The following MBD1 variants were observed in gnomAD, a reference collection of about 807,000 sequenced individuals.
MBD1 encodes methyl-CpG binding domain protein 1, also known as methyl-CpG-binding domain protein 1.
Under a neutral mutation model 82.6 loss-of-function variants are expected in MBD1, and 25 were observed. The observed-to-expected ratio is 0.30, with a 90% CI of 0.22 to 0.42. The LOEUF (loss-of-function observed/expected upper bound fraction) is 0.42, where lower values mean the gene tolerates loss of function less well. Ranked by LOEUF, MBD1 falls within the 10% of genes least tolerant of loss-of-function variation. MBD1 has a pLI of 1.00. For synonymous variants in MBD1, 301 were observed against 303.7 expected (o/e 0.99, Z 0.09); for missense variants, 627 against 819.6 (o/e 0.76, Z 2.87).
At chr18:50,273,980 T>C (rs1375798474) in intron 11 of MBD1, 117 bp from the exon 12 acceptor site, 2 of 1,404,444 alleles carry the variant, frequency 1.4e-6, no homozygotes, top group African/African-American at 1.4e-5. Context: ...TCTGCTTACA[T>C]ATGAGCCCTT....
chr18:50,267,475 G>C, downstream of MBD1: 1 of 696,832 alleles, frequency 1.4e-6, no homozygotes, highest in Non-Finnish European at 2.5e-6. Flanking sequence ...GCACGACCTG[G>C]TGGAGCATAA....
chr18:50,275,552 G>A (rs765737963), intron 8 of MBD1, 48 bp downstream of exon 8: 16 of 1,613,776 alleles, frequency 9.9e-6, no homozygotes, highest in East Asian at 8.9e-5. Context: ...CAGAGGCAGC[G>A]ACGATTTTAA....
chr18:50,276,348 A>G, intron 6 of MBD1, 30 bp downstream of exon 6: 1 of 1,608,620 alleles, frequency 6.2e-7, no homozygotes, highest in Non-Finnish European at 8.5e-7. Flanking sequence ...CCCACTGCAG[A>G]GTTGTGAAGA....
downstream of MBD1, chr18:50,267,602 C>A: frequency 6.5e-7 from 1 of 1,535,028 alleles, no homozygotes; most frequent in South Asian, 1.2e-5. Context: ...GGAACCAGGA[C>A]GGACCTGCAG....
intron 1 of MBD1, among the ~76,000 whole-genome samples, chr18:50,280,895 G>A (rs572740765): frequency 1.3e-5 from 2 of 152,012 alleles, no homozygotes; most frequent in South Asian, 4.2e-4. Flanking sequence ...CATTCTCTCT[G>A]TTCTTGTCCC....
intron 9 of MBD1, 39 bp downstream of exon 9, chr18:50,275,090 G>A: frequency 6.2e-7 from 1 of 1,613,288 alleles, no homozygotes; most frequent in African/African-American, 1.3e-5. Context: ...ACTGGGTAAG[G>A]TCAGGGTTGT....
At chr18:50,271,656 CT>C in intron 15 of MBD1, 116 bp from the exon 16 acceptor site, 1 of 1,124,350 alleles carries the variant, frequency 8.9e-7, no homozygotes, top group Non-Finnish European at 1.3e-6. Flanking sequence ...CTTAATTATC[CT>C]TTATCTTTTT....
intron 1 of MBD1, among the ~76,000 whole-genome samples, chr18:50,281,008 T>C (rs916148334): frequency 5.9e-5 from 9 of 152,076 alleles, no homozygotes; most frequent in African/African-American, 1.4e-4. Context: ...AAAGCCTCTA[T>C]TTCTCCTGTC....
At chr18:50,270,379 GGA>G (rs1266637641) in intron 16 of MBD1, 5 of 555,154 alleles carry the variant, frequency 9.0e-6, no homozygotes, top group South Asian at 4.6e-5. Flanking sequence ...TGAAGAATTG[GGA>G]GAGAGTGAGG....
chr18:50,279,221 C>T (rs990967263), intron 2 of MBD1, among the ~76,000 whole-genome samples: 4 of 152,330 alleles, frequency 2.6e-5, no homozygotes, highest in East Asian at 1.9e-4. Context: ...CTTTATTGAT[C>T]GTCATTTCAT....
Position 50,281,367 on chromosome 18 carries a change from T to A in MBD1, c.-30A>T. 1 of 796,880 alleles carries A rather than the reference T, an allele frequency of 1.3e-6. No individual in the cohort carries two copies. Among genetic ancestry groups the A allele is most frequent in the Non-Finnish European group, 2.1e-6 (1 of 483,872 alleles). 49.4% of individuals were successfully genotyped at this position (796,880 alleles called of 1,614,324 possible). ...CCAGCCCCAAGGCTGTCTCACCAGTTTGGCACCAGGCCGGTATCTTCCGCC... is the reference window on the plus strand; with the variant it reads ...CCAGCCCCAAGGCTGTCTCACCAGTATGGCACCAGGCCGGTATCTTCCGCC... On this transcript the variant is annotated 5_prime_UTR_variant, in exon 1 of 17. Coordinates refer to ENST00000269468, the MANE Select transcript of MBD1 (RefSeq NM_015846.4).
At chr18:50,272,106 C>A (rs952217272) in intron 15 of MBD1, among the ~76,000 whole-genome samples, 1 of 152,122 alleles carries the variant, frequency 6.6e-6, no homozygotes, top group Non-Finnish European at 1.5e-5. Context: ...GAGATCCAGC[C>A]CAAGCCCTTC....
chr18:50,268,578 T>C (rs996435017), downstream of MBD1, among the ~76,000 whole-genome samples: 11 of 152,242 alleles, frequency 7.2e-5, no homozygotes, highest in Non-Finnish European at 1.6e-4. Context: ...CCCCGGTGGG[T>C]GACTGTGGCT....
rs1281620664 is a variant in MBD1 at position 50,269,606 on chromosome 18, T to C, written c.*245A>G. Reference sequence around the variant, plus strand: ...CCCAGGATCATCCTTTCAGCTTCTCTAATTCCTGGGCCAGATGCATATTTA... The same window carrying C: ...CCCAGGATCATCCTTTCAGCTTCTCCAATTCCTGGGCCAGATGCATATTTA... On this transcript the variant is annotated 3_prime_UTR_variant, in exon 17 of 17. Transcript: ENST00000269468. 1.4e-6 allele frequency: 1 copy of C among 719,584 alleles called. No individual in the cohort carries two copies. The highest frequency in any genetic ancestry group is 2.6e-6 in the Non-Finnish European group (1 of 385,508). 44.6% of individuals were successfully genotyped at this position (719,584 alleles called of 1,614,324 possible). A position where few individuals can be genotyped will look rare whatever the true frequency, so the allele number is the denominator to read the frequency against.
At position 50,281,326 on chromosome 18, in the gene MBD1, T is replaced by C. The variant is rs2040202956; in HGVS notation, c.-26+37A>G. On this transcript the variant is annotated intron_variant, in intron 1 of 16. Coordinates refer to ENST00000269468, the MANE Select transcript of MBD1 (RefSeq NM_015846.4). ...CCACAATTCCTTCCCATCCTCCGCC[T>C]GAGCGCTCTCCACGTCCAGCCCCAA... 22 of 1,153,516 alleles carry C rather than the reference T, an allele frequency of 1.9e-5. No homozygotes were observed. The South Asian group carries it at 2.8e-4, about 15-fold the overall frequency. 71.5% of individuals were successfully genotyped at this position (1,153,516 alleles called of 1,614,324 possible). A position where few individuals can be genotyped will look rare whatever the true frequency, so the allele number is the denominator to read the frequency against.
intron 16 of MBD1, chr18:50,270,629 T>C (rs1313150956): frequency 3.2e-6 from 1 of 311,316 alleles, no homozygotes; most frequent in African/African-American, 2.2e-5. Flanking sequence ...ATATATCCTG[T>C]AGGGTTTGAG....
Position 50,273,847 on chromosome 18 carries a change from C to T in MBD1, c.1163G>A (p.Ser388Asn). ...CCCATCCTCAGACTCTGACCAGACA[C>T]TGGGCAGCAGCCGCTTCTATGGGGA... ...LQFAMKRLLP[S>N]VWSESEDGAG... The change falls in exon 12 of 17, where the codon AGT (serine) becomes AAT (asparagine). Residue 388 changes from serine to asparagine, a missense_variant. Coordinates refer to ENST00000269468, the MANE Select transcript of MBD1 (RefSeq NM_015846.4). 1 of 1,613,076 alleles carries T rather than the reference C, an allele frequency of 6.2e-7. No individual in the cohort carries two copies. Among genetic ancestry groups the T allele is most frequent in the Non-Finnish European group, 8.5e-7 (1 of 1,179,982 alleles).
At chr18:50,275,279 G>A in intron 8 of MBD1, 34 bp from the exon 9 acceptor site, 3 of 1,611,474 alleles carry the variant, frequency 1.9e-6, no homozygotes, top group Non-Finnish European at 2.5e-6. Context: ...TTTCAGCTTG[G>A]TGGCACCAGG....
Position 50,275,676 on chromosome 18 carries a change from T to C in MBD1, c.716A>G (p.His239Arg). ...RGCQTQEDCG[H>R]CPICLRPPRP... ...GGGAGGGCGAAGGCAGATGGGGCAA[T>C]GGCCACAATCCTCTTGGGTCTGACA... Residue 239 changes from histidine to arginine, a missense_variant, in exon 8 of 17, where the codon CAT becomes CGT. Physicochemically the swap from His to Arg is conservative, Grantham distance 29. Transcript: ENST00000269468. 1 of 1,614,166 alleles carries C rather than the reference T, an allele frequency of 6.2e-7. No individual in the cohort carries two copies. Among genetic ancestry groups the C allele is most frequent in the Non-Finnish European group, 8.5e-7 (1 of 1,180,022 alleles).
Sources: allele counts gnomAD v4.1 joint callset (sites outside exome capture counted in the v4.1 genomes callset), GRCh38; gene constraint gnomAD v4.1.1; transcripts MANE v1.5; gene names NCBI Gene and HGNC (gene_info 2026-07-23, HGNC 2026-07-21).